Variants in RIMBP2 observed in about 807,000 individuals in gnomAD.
RIMBP2 encodes the protein RIMS-binding protein 2.
A neutral mutation model predicts 118.6 loss-of-function variants in RIMBP2; 48 were observed. The observed-to-expected ratio is 0.40, with a 90% CI of 0.32 to 0.51. RIMBP2 has a LOEUF of 0.51. Ranked by LOEUF, RIMBP2 falls within the 20% of genes least tolerant of loss-of-function variation. The pLI, the probability that RIMBP2 is intolerant of heterozygous loss-of-function variation, is 0.41. For missense variants in RIMBP2, 1,551 were observed against 1,768.3 expected, an observed-to-expected ratio of 0.88 and a Z score of 2.20; for synonymous variants, 762 against 742.9, an observed-to-expected ratio of 1.03 and a Z score of -0.42.
intron 1 of RIMBP2, among the ~76,000 whole-genome samples, chr12:130,695,594 G>A (rs2065527601): frequency 6.6e-6 from 1 of 152,124 alleles, no homozygotes; most frequent in Admixed American, 6.6e-5. Flanking sequence ...GTCCAGGCAG[G>A]AACCTCATTC....
Position 130,560,382 on chromosome 12 carries a change from C to T in RIMBP2, c.-216-42465G>A, listed in dbSNP as rs192059857. Among the ~76,000 whole-genome samples the T allele has an allele frequency of 2.2e-3, 336 of 152,222 alleles. 1 individual carries two copies. The highest frequency in any genetic ancestry group is 2.1e-3 in the Non-Finnish European group (146 of 68,018). Reference sequence around the variant, plus strand: ...GGTGGTCATCTTGGTCTGGAAGATTCTTTGCTGTGGGGCTGTCTTGTGCAG... The same window carrying T: ...GGTGGTCATCTTGGTCTGGAAGATTTTTTGCTGTGGGGCTGTCTTGTGCAG... On this transcript the variant is annotated intron_variant, in intron 2 of 22. Coordinates refer to ENST00000690449, the MANE Select transcript of RIMBP2 (RefSeq NM_001393629.1).
intron 2 of RIMBP2, among the ~76,000 whole-genome samples, chr12:130,584,535 C>CCATCACCACCATCA: frequency 6.7e-6 from 1 of 150,348 alleles, no homozygotes; most frequent in East Asian, 2.0e-4. Flanking sequence ...CTCATCACCA[C>CCATCACCACCATCA]CATCACCACC....
At chr12:130,661,652 C>T (rs529761705) in intron 1 of RIMBP2, among the ~76,000 whole-genome samples, 2 of 152,326 alleles carry the variant, frequency 1.3e-5, no homozygotes, top group East Asian at 3.9e-4. Flanking sequence ...CACGCAATGA[C>T]CCTATCAGTG....
chr12:130,517,786 C>T, intron 3 of RIMBP2, 42 bp downstream of exon 3: 3 of 889,908 alleles, frequency 3.4e-6, no homozygotes, highest in Non-Finnish European at 4.0e-6. Flanking sequence ...AGCCCGCTCC[C>T]TCCAGGGCCC....
In RIMBP2 at chr12:130,446,820, G is replaced by T. The variant is rs2078559016; in HGVS notation, c.582-1551C>A. Among the ~76,000 whole-genome samples, 1 of 152,186 alleles carries T rather than the reference G, an allele frequency of 6.6e-6. No homozygotes were observed. The stretch of plus-strand genomic sequence containing the variant: ...TGCGTTTTACAAAGAGACCTCGTGG[G>T]TGCTGTGTGGATGGAGCTTGGTGGA... On this transcript the variant is annotated intron_variant, in intron 9 of 22. Coordinates refer to ENST00000690449, the MANE Select transcript of RIMBP2 (RefSeq NM_001393629.1). This position sits in a 1 kb window ranked among gnomAD's most constrained non-coding sequence, Gnocchi z 4.1.
chr12:130,416,294 C>T (rs900767843), intron 17 of RIMBP2, among the ~76,000 whole-genome samples: 13 of 152,082 alleles, frequency 8.5e-5, no homozygotes, highest in South Asian at 2.1e-4. Context: ...GGAACAAATC[C>T]GGAGGCATCA....
intron 2 of RIMBP2, among the ~76,000 whole-genome samples, chr12:130,531,787 T>C (rs1056729274): frequency 1.3e-5 from 2 of 152,276 alleles, no homozygotes; most frequent in African/African-American, 4.8e-5. Context: ...TCAGAGATTC[T>C]AGTAGGTGTC....
At chr12:130,548,891 T>G (rs1013330004) in intron 2 of RIMBP2, among the ~76,000 whole-genome samples, 1 of 152,044 alleles carries the variant, frequency 6.6e-6, no homozygotes, top group African/African-American at 2.4e-5. Context: ...CCAGCCTACC[T>G]CTTGGACTTT....
rs2079471195 is a variant in RIMBP2, at chr12:130,456,666, G to A, written c.188C>T (p.Thr63Ile). ...CAGCAGGTTGAACTGCTCACTTTGAGTCCGGCATTTCTCTTCCAGCTCTCG... is the reference window on the plus strand; with the variant it reads ...CAGCAGGTTGAACTGCTCACTTTGAATCCGGCATTTCTCTTCCAGCTCTCG... ...KVRELEEKCR[T>I]QSEQFNLLSR... is the part of the protein sequence containing the mutation. Residue 63 changes from threonine to isoleucine, a missense_variant, in exon 7 of 23, where the codon ACT (threonine) becomes ATT (isoleucine). Physicochemically the swap from Thr to Ile is moderately conservative, Grantham distance 89. Coordinates refer to ENST00000690449, the MANE Select transcript of RIMBP2 (RefSeq NM_001393629.1). 9 of 1,610,136 alleles carry A rather than the reference G, an allele frequency of 5.6e-6. No individual in the cohort carries two copies. Among genetic ancestry groups the A allele is most frequent in the Non-Finnish European group, 5.9e-6 (7 of 1,177,124 alleles).
In RIMBP2 at chr12:130,475,521, A is replaced by G. The variant is rs1252378418; in HGVS notation, c.102+3391T>C. The stretch of plus-strand genomic sequence containing the variant: ...CATTATAGGATGGAGGAAGCTGAGG[A>G]TGAAAGCACAAAGAGGCAGGGAGGA... On this transcript the variant is annotated intron_variant, in intron 5 of 22. Transcript: ENST00000690449. The surrounding 1 kb of genome is among the most constrained non-coding windows in gnomAD (Gnocchi z 4.1). 2.0e-5 allele frequency among the ~76,000 whole-genome samples: 3 copies of G among 152,182 alleles called. No individual in the cohort carries two copies. Among genetic ancestry groups the G allele is most frequent in the Non-Finnish European group, 2.9e-5 (2 of 68,026 alleles).
chr12:130,535,738 C>T (rs7488374), intron 2 of RIMBP2, among the ~76,000 whole-genome samples: 24,088 of 66,546 alleles, frequency 0.36, 2,759 homozygotes, highest in Middle Eastern at 0.48. Context: ...CATATATATA[C>T]ATATATATAT....
chr12:130,437,400 C>T, intron 12 of RIMBP2, 109 bp from the exon 13 acceptor site: 1 of 893,206 alleles, frequency 1.1e-6, no homozygotes, highest in Non-Finnish European at 1.7e-6. Flanking sequence ...AGGATCATGC[C>T]CAGCGACCTC....
intron 5 of RIMBP2, among the ~76,000 whole-genome samples, chr12:130,476,328 G>C (rs1160222864): frequency 6.6e-6 from 1 of 152,212 alleles, no homozygotes; most frequent in African/African-American, 2.4e-5. Flanking sequence ...TCACTCCTTT[G>C]AGATGGCTCC....
intron 21 of RIMBP2, among the ~76,000 whole-genome samples, chr12:130,402,546 T>TAAC (rs1234341415): frequency 1.3e-5 from 2 of 152,138 alleles, no homozygotes; most frequent in Admixed American, 1.3e-4. Flanking sequence ...CTTTACAGAA[T>TAAC]AACTTTCTCT....
At chr12:130,604,255 C>A (rs1374505454) in intron 2 of RIMBP2, among the ~76,000 whole-genome samples, 4 of 144,252 alleles carry the variant, frequency 2.8e-5, no homozygotes, top group Non-Finnish European at 6.0e-5. Context: ...TTTCAAGATA[C>A]GTGTTATTAC....
chr12:130,554,057 T>C (rs1275941950), intron 2 of RIMBP2, among the ~76,000 whole-genome samples: 1 of 152,056 alleles, frequency 6.6e-6, no homozygotes, highest in African/African-American at 2.4e-5. Flanking sequence ...GCACAAGGAG[T>C]GACCATCTGT....
At chr12:130,641,494 G>T (rs1402550275) in intron 1 of RIMBP2, among the ~76,000 whole-genome samples, 1 of 150,718 alleles carries the variant, frequency 6.6e-6, no homozygotes. Flanking sequence ...GTGACTGCCG[G>T]ACACTCGGCC....
intron 2 of RIMBP2, among the ~76,000 whole-genome samples, chr12:130,613,326 C>T (rs1048571666): frequency 2.0e-5 from 3 of 152,202 alleles, no homozygotes; most frequent in African/African-American, 7.2e-5. Flanking sequence ...GATACCCCTG[C>T]CGCAATCTCC....
At chr12:130,489,492 C>T (rs192746584) in intron 4 of RIMBP2, among the ~76,000 whole-genome samples, 13 of 152,234 alleles carry the variant, frequency 8.5e-5, no homozygotes, top group African/African-American at 2.2e-4. Flanking sequence ...CAGGCAGCAT[C>T]GGCGGGAGGG....
Sources: allele counts gnomAD v4.1 joint callset (sites outside exome capture counted in the v4.1 genomes callset), GRCh38; gene constraint gnomAD v4.1.1; non-coding constraint Gnocchi (gnomAD v3.1); transcripts MANE v1.5; gene names NCBI Gene and HGNC (gene_info 2026-07-23, HGNC 2026-07-21).